The following KIF26B variants were observed in gnomAD, a reference collection of about 807,000 sequenced individuals.
The protein encoded by KIF26B is kinesin-like protein KIF26B.
In KIF26B, 63 loss-of-function variants were observed where a neutral mutation model predicts 151.2. The ratio of observed to expected loss-of-function variants is 0.42; its 90% confidence interval spans 0.34 to 0.51. The LOEUF (loss-of-function observed/expected upper bound fraction) is 0.51, where lower values mean the gene tolerates loss of function less well. Among genes scored for constraint, KIF26B ranks in the 20% least tolerant of loss-of-function variants. The pLI, the probability that KIF26B is intolerant of heterozygous loss-of-function variation, is 0.07. For missense variants in KIF26B, 2,813 were observed against 2,913.6 expected (o/e 0.97, Z 0.79); for synonymous variants, 1,357 against 1,262.1 (o/e 1.08, Z -1.59).
At chr1:245,416,925 C>G (rs916641223) in intron 3 of KIF26B, among the ~76,000 whole-genome samples, 1 of 152,118 alleles carries the variant, frequency 6.6e-6, no homozygotes, top group Admixed American at 6.5e-5. Context: ...ATAGAGCAGG[C>G]ATTTGGAGGG....
chr1:245,246,557 C>T (rs1202455458), intron 2 of KIF26B, among the ~76,000 whole-genome samples: 1 of 152,148 alleles, frequency 6.6e-6, no homozygotes, highest in African/African-American at 2.4e-5. Context: ...GCAATGAAAG[C>T]GTTGGCACCT....
chr1:245,336,341 T>C (rs1422779430), intron 2 of KIF26B, among the ~76,000 whole-genome samples: 1 of 152,092 alleles, frequency 6.6e-6, no homozygotes, highest in African/African-American at 2.4e-5. Context: ...AAAGGACTGC[T>C]CTGGGGATGC....
intron 9 of KIF26B, among the ~76,000 whole-genome samples, chr1:245,623,985 T>C (rs954148686): frequency 6.6e-6 from 1 of 152,148 alleles, no homozygotes; most frequent in African/African-American, 2.4e-5. Flanking sequence ...GATTACATCA[T>C]GAGGATGGAT....
At chr1:245,510,347 T>C (rs1660805595) in intron 4 of KIF26B, among the ~76,000 whole-genome samples, 1 of 152,232 alleles carries the variant, frequency 6.6e-6, no homozygotes, top group Non-Finnish European at 1.5e-5. Flanking sequence ...TGCATCTGTT[T>C]GTCTACAAGT....
At chr1:245,574,847 C>A (rs1392595460) in intron 5 of KIF26B, among the ~76,000 whole-genome samples, 10 of 147,270 alleles carry the variant, frequency 6.8e-5, no homozygotes, top group African/African-American at 2.2e-4. Flanking sequence ...TTTTTTATAT[C>A]TTTTTCTTTT....
chr1:245,540,496 T>C lies in KIF26B; in HGVS notation c.1167-271T>C. 1.5e-6 allele frequency: 1 copy of C among 654,398 alleles called. No individual in the cohort carries two copies. The highest frequency in any genetic ancestry group is 2.8e-6 in the Non-Finnish European group (1 of 355,124). 40.5% of individuals were successfully genotyped at this position (654,398 alleles called of 1,614,324 possible). A position where few individuals can be genotyped will look rare whatever the true frequency, so the allele number is the denominator to read the frequency against. On this transcript the variant is annotated intron_variant, in intron 4 of 14. Coordinates refer to ENST00000407071, the MANE Select transcript of KIF26B (RefSeq NM_018012.4). This position sits in a 1 kb window ranked among gnomAD's most constrained non-coding sequence, Gnocchi z 4.6. ...CTTTGTTCCTGCTTAAGCTGAATGT[T>C]GGTGGATAACACATCATTCTTTGTA...
At chr1:245,550,096 G>C (rs1661842397) in intron 5 of KIF26B, among the ~76,000 whole-genome samples, 1 of 152,156 alleles carries the variant, frequency 6.6e-6, no homozygotes, top group African/African-American at 2.4e-5. Flanking sequence ...GTAGCACCGA[G>C]TGCTAGAGAC....
In KIF26B at chr1:245,704,182, C is replaced by T. The variant is rs1027944032; in HGVS notation, c.*1576C>T. ...CTTCGCATCGAGGATGGTACTTAGG[C>T]GTGTGCAGAGCACGCTTCCCTTTTG... On this transcript the variant is annotated 3_prime_UTR_variant, in exon 15 of 15. Coordinates refer to ENST00000407071, the MANE Select transcript of KIF26B (RefSeq NM_018012.4). 3.3e-5 allele frequency: 5 copies of T among 152,234 alleles called. No individual in the cohort carries two copies. Among genetic ancestry groups the T allele is most frequent in the East Asian group, 1.9e-4 (1 of 5,200 alleles). 9.4% of individuals were successfully genotyped at this position (152,234 alleles called of 1,614,324 possible). A position where few individuals can be genotyped will look rare whatever the true frequency, so the allele number is the denominator to read the frequency against.
chr1:245,213,567 G>C (rs1394668914), intron 2 of KIF26B, among the ~76,000 whole-genome samples: 1 of 152,236 alleles, frequency 6.6e-6, no homozygotes, highest in Non-Finnish European at 1.5e-5. Flanking sequence ...AAGAAAAGAA[G>C]GGCGTGGGGC....
intron 2 of KIF26B, among the ~76,000 whole-genome samples, chr1:245,184,559 A>G (rs1668968817): frequency 6.6e-6 from 1 of 152,224 alleles, no homozygotes; most frequent in Non-Finnish European, 1.5e-5. Flanking sequence ...GGGGGAAAGT[A>G]TTGAAAATCA....
chr1:245,366,768 A>G, intron 2 of KIF26B, 66 bp from the exon 3 acceptor site: 1 of 1,508,990 alleles, frequency 6.6e-7, no homozygotes, highest in East Asian at 2.3e-5. Context: ...TAAGCCAGGT[A>G]TCTGACTTGC....
chr1:245,496,337 T>C (rs921354995), intron 4 of KIF26B, among the ~76,000 whole-genome samples: 1 of 152,134 alleles, frequency 6.6e-6, no homozygotes, highest in Non-Finnish European at 1.5e-5. Context: ...AGGGCAAATA[T>C]AAATGAACAT....
intron 2 of KIF26B, among the ~76,000 whole-genome samples, chr1:245,194,981 A>G (rs902369485): frequency 2.6e-5 from 4 of 152,168 alleles, no homozygotes; most frequent in African/African-American, 9.7e-5. Flanking sequence ...CATTTAGCTT[A>G]TGGGGAAAAT....
At chr1:245,566,458 T>G (rs914732377) in intron 5 of KIF26B, among the ~76,000 whole-genome samples, 6 of 152,232 alleles carry the variant, frequency 3.9e-5, no homozygotes, top group Non-Finnish European at 8.8e-5. Flanking sequence ...TATAAAATAC[T>G]TTCTGGAATA....
chr1:245,316,568 A>AT (rs201504941), intron 2 of KIF26B, among the ~76,000 whole-genome samples: 2,882 of 151,176 alleles, frequency 0.019, 94 homozygotes, highest in African/African-American at 0.066. Flanking sequence ...GGCCTCTTTT[A>AT]TTTTTTTTCT....
In KIF26B at chr1:245,564,449, G is replaced by A. The variant is rs568427164; in HGVS notation, c.1350+23499G>A. ...GGTGCCACTGTGGTTTGTTCTCCCC[G>A]TTCAAGTGTTGCTGACTGGTGGGGA... On this transcript the variant is annotated intron_variant, in intron 5 of 14. Transcript: ENST00000407071. The surrounding 1 kb of genome is among the most constrained non-coding windows in gnomAD (Gnocchi z 4.6). Among the ~76,000 whole-genome samples the A allele has an allele frequency of 2.2e-4, 33 of 152,200 alleles. No individual in the cohort carries two copies. The South Asian group carries it at 6.2e-3, about 29-fold the overall frequency.
chr1:245,633,674 A>C (rs1249615107), intron 9 of KIF26B, among the ~76,000 whole-genome samples: 1 of 151,430 alleles, frequency 6.6e-6, no homozygotes, highest in Non-Finnish European at 1.5e-5. Flanking sequence ...GAAAGACTTT[A>C]CTTTTCATTC....
intron 4 of KIF26B, among the ~76,000 whole-genome samples, chr1:245,425,305 T>A (rs1456865733): frequency 1.8e-4 from 27 of 152,242 alleles, no homozygotes; most frequent in Admixed American, 1.8e-3. Context: ...GGATTCTGGA[T>A]TATGCATAGA....
At chr1:245,464,655 CGTGTGTGT>C (rs113838583) in intron 4 of KIF26B, among the ~76,000 whole-genome samples, 11 of 125,996 alleles carry the variant, frequency 8.7e-5, no homozygotes, top group Non-Finnish European at 1.5e-4. Flanking sequence ...TGTGGGTGTG[CGTGTGTGT>C]GTGTGGGTGT....
Sources: allele counts gnomAD v4.1 joint callset (sites outside exome capture counted in the v4.1 genomes callset), GRCh38; gene constraint gnomAD v4.1.1; non-coding constraint Gnocchi (gnomAD v3.1); transcripts MANE v1.5; gene names NCBI Gene and HGNC (gene_info 2026-07-23, HGNC 2026-07-21).